Variants in RNGTT observed in about 807,000 individuals in gnomAD.
RNGTT encodes mRNA-capping enzyme.
In RNGTT, 33 loss-of-function variants were observed where a neutral mutation model predicts 79.3. The ratio of observed to expected loss-of-function variants is 0.42; its 90% CI spans 0.32 to 0.56. The LOEUF (loss-of-function observed/expected upper bound fraction) is 0.56, where lower values mean the gene tolerates loss of function less well. Among genes scored for constraint, RNGTT ranks in the 20% least tolerant of loss-of-function variants. RNGTT has a pLI of 0.17. For synonymous variants in RNGTT, 222 were observed against 235.9 expected, an observed-to-expected ratio of 0.94 and a Z score of 0.54; for missense variants, 497 against 739.1, an observed-to-expected ratio of 0.67 and a Z score of 3.80.
rs139863503 is a variant in RNGTT, at chr6:88,722,569, A to T, written c.1440-44150T>A. Reference sequence around the variant, plus strand: ...GAACACTTACATGATAATTTTGACAAATTACTGGAAGTGAGTATGGATTAC... The same window carrying T: ...GAACACTTACATGATAATTTTGACATATTACTGGAAGTGAGTATGGATTAC... On this transcript the variant is annotated intron_variant, in intron 13 of 15. Transcript: ENST00000369485. Among the ~76,000 whole-genome samples, 3 of 152,322 alleles carry T rather than the reference A, an allele frequency of 2.0e-5. No homozygotes were observed. The East Asian group carries it at 5.8e-4, about 29-fold the overall frequency.
At chr6:88,946,707 C>T (rs898021383) in intron 1 of RNGTT, among the ~76,000 whole-genome samples, 2 of 151,646 alleles carry the variant, frequency 1.3e-5, no homozygotes, top group East Asian at 3.9e-4. Context: ...CATGCGGAGC[C>T]GAAGCTGGAC....
In RNGTT at chr6:88,610,084, C is replaced by T. The variant is rs1771967978; in HGVS notation, c.*2635G>A. Reference sequence around the variant, plus strand: ...CTTCAAAAATAAAAGGTTCAAACTACACCCCCCTGTGTCAATCAAATTTCT... The same window carrying T: ...CTTCAAAAATAAAAGGTTCAAACTATACCCCCCTGTGTCAATCAAATTTCT... On this transcript the variant is annotated 3_prime_UTR_variant, in exon 16 of 16. Coordinates refer to ENST00000369485, the MANE Select transcript of RNGTT (RefSeq NM_003800.5). Among the ~76,000 whole-genome samples, 1 of 152,158 alleles carries T rather than the reference C, an allele frequency of 6.6e-6. No homozygotes were observed. Among genetic ancestry groups the T allele is most frequent in the Non-Finnish European group, 1.5e-5 (1 of 68,022 alleles).
intron 13 of RNGTT, among the ~76,000 whole-genome samples, chr6:88,754,831 T>C (rs779835023): frequency 1.3e-5 from 2 of 152,232 alleles, no homozygotes; most frequent in Non-Finnish European, 2.9e-5. Flanking sequence ...CATCCCTTTA[T>C]TTTGGCCCAT....
Position 88,880,401 on chromosome 6 carries a change from C to T in RNGTT, c.896+10094G>A, listed in dbSNP as rs542539017. ...AATGCCTAAGTGGCTTTTTTATTCCCTGCAATAATTTTCCTTATAAAGCAA... is the reference window on the plus strand; with the variant it reads ...AATGCCTAAGTGGCTTTTTTATTCCTTGCAATAATTTTCCTTATAAAGCAA... On this transcript the variant is annotated intron_variant, in intron 8 of 15. Coordinates refer to ENST00000369485, the MANE Select transcript of RNGTT (RefSeq NM_003800.5). Among the ~76,000 whole-genome samples the T allele has an allele frequency of 1.2e-4, 18 of 152,200 alleles. No homozygotes were observed. The South Asian group carries it at 3.5e-3, about 30-fold the overall frequency.
intron 2 of RNGTT, among the ~76,000 whole-genome samples, chr6:88,937,797 A>G (rs1379259007): frequency 2.0e-5 from 3 of 152,212 alleles, no homozygotes; most frequent in Non-Finnish European, 4.4e-5. Context: ...TTCCTTGACC[A>G]AATGGTCATT....
intron 11 of RNGTT, among the ~76,000 whole-genome samples, chr6:88,814,855 A>G (rs1780265205): frequency 6.6e-6 from 1 of 152,238 alleles, no homozygotes; most frequent in Non-Finnish European, 1.5e-5. Flanking sequence ...TATTTGTAAA[A>G]TAAAATTTAA....
intron 11 of RNGTT, among the ~76,000 whole-genome samples, chr6:88,837,271 C>T (rs1017921623): frequency 6.6e-6 from 1 of 152,094 alleles, no homozygotes; most frequent in Non-Finnish European, 1.5e-5. Context: ...GTGGCACGTG[C>T]CTGTAGTCCC....
chr6:88,831,475 C>G (rs976356404), intron 11 of RNGTT, among the ~76,000 whole-genome samples: 3 of 152,146 alleles, frequency 2.0e-5, no homozygotes, highest in Non-Finnish European at 2.9e-5. Flanking sequence ...AAACCCACAG[C>G]CAATATCATA....
At chr6:88,859,807 T>A (rs1416100379) in intron 8 of RNGTT, among the ~76,000 whole-genome samples, 1 of 152,170 alleles carries the variant, frequency 6.6e-6, no homozygotes, top group Non-Finnish European at 1.5e-5. Flanking sequence ...AGTAGTCCCT[T>A]CTCTCACCTT....
intron 4 of RNGTT, 92 bp from the exon 5 acceptor site, chr6:88,906,532 G>T: frequency 1.5e-6 from 1 of 665,012 alleles, no homozygotes; most frequent in Non-Finnish European, 2.5e-6. Flanking sequence ...AAACATTTCA[G>T]CTAGTTTATA....
At chr6:88,628,847 C>G (rs1372064615) in intron 14 of RNGTT, among the ~76,000 whole-genome samples, 1 of 152,114 alleles carries the variant, frequency 6.6e-6, no homozygotes. Context: ...TACTCCAAAT[C>G]AAGAAATGAC....
chr6:88,792,973 CA>C (rs558261905), intron 12 of RNGTT, among the ~76,000 whole-genome samples: 19 of 151,026 alleles, frequency 1.3e-4, no homozygotes, highest in African/African-American at 4.1e-4. Flanking sequence ...GAATATTTAC[CA>C]AAAAAAATAG....
intron 11 of RNGTT, among the ~76,000 whole-genome samples, chr6:88,839,587 A>G (rs1221284701): frequency 3.9e-5 from 6 of 152,138 alleles, no homozygotes; most frequent in Non-Finnish European, 8.8e-5. Context: ...AGAAAAAAAA[A>G]TCATCACTTT....
At chr6:88,729,319 T>C (rs34798509) in intron 13 of RNGTT, among the ~76,000 whole-genome samples, 19,392 of 150,006 alleles carry the variant, frequency 0.13, 1,423 homozygotes, top group Middle Eastern at 0.23. Flanking sequence ...GTCAAGTAAC[T>C]AAAGTGGCAC....
At chr6:88,840,815 T>C (rs1230191210) in intron 11 of RNGTT, among the ~76,000 whole-genome samples, 1 of 152,212 alleles carries the variant, frequency 6.6e-6, no homozygotes, top group Admixed American at 6.5e-5. Context: ...AACAAGTTGT[T>C]CCACATAATT....
Position 88,634,831 on chromosome 6 carries a change from T to C in RNGTT, c.1507-20436A>G, listed in dbSNP as rs145379025. Among the ~76,000 whole-genome samples the C allele has an allele frequency of 1.9e-3, 289 of 152,162 alleles. 3 individuals are homozygous for C. Among genetic ancestry groups the C allele is most frequent in the African/African-American group, 6.7e-3 (280 of 41,536 alleles). The stretch of plus-strand genomic sequence containing the variant: ...TTTAATATGTGAGTGAAAATGGAAA[T>C]GTTGTAATCAATGTGGAGAGAAAAA... On this transcript the variant is annotated intron_variant, in intron 14 of 15. Transcript: ENST00000369485.
chr6:88,766,566 A>C (rs1423775862), intron 13 of RNGTT, among the ~76,000 whole-genome samples: 1 of 152,122 alleles, frequency 6.6e-6, no homozygotes, highest in African/African-American at 2.4e-5. Context: ...CAGAAATGAT[A>C]ATAGGAGATA....
intron 14 of RNGTT, among the ~76,000 whole-genome samples, chr6:88,675,163 A>C (rs1022540786): frequency 7.9e-5 from 12 of 152,044 alleles, no homozygotes; most frequent in Admixed American, 5.2e-4. Flanking sequence ...ACAAAAAAAA[A>C]CTGAGTGTCT....
intron 8 of RNGTT, among the ~76,000 whole-genome samples, chr6:88,890,036 A>C (rs1782990576): frequency 6.6e-6 from 1 of 152,194 alleles, no homozygotes; most frequent in Non-Finnish European, 1.5e-5. Context: ...CTTTGTTGTA[A>C]TAATGCAACA....
Sources: allele counts gnomAD v4.1 joint callset (sites outside exome capture counted in the v4.1 genomes callset), GRCh38; gene constraint gnomAD v4.1.1; transcripts MANE v1.5; gene names NCBI Gene and HGNC (gene_info 2026-07-23, HGNC 2026-07-21).